The following MAP3K15 variants were observed in gnomAD, a reference collection of about 807,000 sequenced individuals.
MAP3K15 encodes the protein mitogen-activated protein kinase kinase kinase 15, also known as MAPK/ERK kinase kinase 15.
MAP3K15 carries 124 observed loss-of-function variants against 99.5 expected under a neutral mutation model. The observed-to-expected ratio is 1.25, with a 90% CI of 1.08 to 1.45. MAP3K15 has a LOEUF of 1.45. Ranked by LOEUF, MAP3K15 falls within the 40% of genes most tolerant of loss-of-function variation. The pLI, the probability that MAP3K15 is intolerant of heterozygous loss-of-function variation, is 0.00. For missense variants in MAP3K15, 1,242 were observed against 1,079.7 expected, an observed-to-expected ratio of 1.15 and a Z score of -2.11; for synonymous variants, 494 against 439.6, an observed-to-expected ratio of 1.12 and a Z score of -1.55.
In MAP3K15 at chrX:19,425,659, T is replaced by C; in HGVS notation, c.1311A>G (p.Lys437=). 1 of 1,196,629 alleles carries C rather than the reference T, an allele frequency of 8.4e-7. No individual in the cohort carries two copies. The highest frequency in any genetic ancestry group is 2.3e-4 in the Middle Eastern group (1 of 4,346). ...AATTGTTCATTTTCTCCAAGCTCCC[T>C]TTTCTTCCCAACAAACTGTTCAGCC... ...GVRLNSLLGR[K]GSLEKMNNYW... is the part of the protein sequence containing the mutation. Residue 437 remains lysine (K), a synonymous_variant, in exon 9 of 29, where the codon AAA becomes AAG. Coordinates refer to ENST00000338883, the MANE Select transcript of MAP3K15 (RefSeq NM_001001671.4).
Position 19,361,600 on chromosome X carries a change from C to T in MAP3K15, c.3680-7G>A, listed in dbSNP as rs771054574. The T allele has an allele frequency of 3.6e-5, 42 of 1,155,961 alleles. No homozygotes were observed. Among genetic ancestry groups the T allele is most frequent in the East Asian group, 8.9e-5 (3 of 33,580 alleles). On this transcript the variant is annotated splice_region_variant and splice_polypyrimidine_tract_variant and intron_variant, in intron 26 of 28. Coordinates refer to ENST00000338883, the MANE Select transcript of MAP3K15 (RefSeq NM_001001671.4). ...GCTGGGTTCTCTGTAATACCTGTAA[C>T]GATTGGCAATTTGTTATATATTAGT... is the stretch of plus-strand genomic sequence containing the variant.
intron 21 of MAP3K15, 73 bp downstream of exon 21, chrX:19,373,463 G>A: frequency 2.7e-6 from 3 of 1,121,419 alleles, no homozygotes; most frequent in East Asian, 3.3e-5. Flanking sequence ...GTTGGGACCA[G>A]GGAGGTGCCC....
chrX:19,427,809 C>A (rs2063843810), intron 7 of MAP3K15, among the ~76,000 whole-genome samples: 1 of 111,048 alleles, frequency 9.0e-6, no homozygotes, highest in African/African-American at 3.3e-5. Flanking sequence ...GAGAAGTTAT[C>A]ATTGAAGTCA....
intron 6 of MAP3K15, among the ~76,000 whole-genome samples, chrX:19,450,948 T>C (rs1259098528): frequency 1.8e-5 from 2 of 108,846 alleles, no homozygotes; most frequent in Non-Finnish European, 3.9e-5. Flanking sequence ...AAGGATTTCA[T>C]GGGTATGACA....
rs370058161 is a variant in MAP3K15, at chrX:19,453,464, C to T, written c.995+3449G>A. Among the ~76,000 whole-genome samples the T allele has an allele frequency of 1.2e-4, 13 of 107,191 alleles. No homozygotes were observed. The East Asian group carries it at 1.8e-3, about 14-fold the overall frequency. 93.1% of individuals were successfully genotyped at this position (107,191 alleles called of 115,157 possible). A position where few individuals can be genotyped will look rare whatever the true frequency, so the allele number is the denominator to read the frequency against. Reference sequence around the variant, plus strand: ...GCAGTGAGCCAAGATTACGCCATTGCACTCCAGCCTGGGCGACAGAGTGAG... The same window carrying T: ...GCAGTGAGCCAAGATTACGCCATTGTACTCCAGCCTGGGCGACAGAGTGAG... On this transcript the variant is annotated intron_variant, in intron 6 of 28. Transcript: ENST00000338883.
At chrX:19,481,421 T>C (rs1459286752) in intron 3 of MAP3K15, among the ~76,000 whole-genome samples, 1 of 110,859 alleles carries the variant, frequency 9.0e-6, no homozygotes, top group African/African-American at 3.3e-5. Context: ...GCTAAAACTA[T>C]AAAACTTCTA....
rs181219677 is a variant in MAP3K15 at position 19,507,841 on chromosome X, A to C, written c.361+7060T>G. Among the ~76,000 whole-genome samples, 255 of 110,660 alleles carry C rather than the reference A, an allele frequency of 2.3e-3. 1 individual carries two copies. Among genetic ancestry groups the C allele is most frequent in the African/African-American group, 7.7e-3 (234 of 30,453 alleles). On this transcript the variant is annotated intron_variant, in intron 1 of 28. Coordinates refer to ENST00000338883, the MANE Select transcript of MAP3K15 (RefSeq NM_001001671.4). ...TGCTCTAAAAAACTATTTTAAAAAA[A>C]GTTCTGGAGATGCATATTGGTTTCT...
chrX:19,469,459 C>A (rs1354810159), intron 3 of MAP3K15, among the ~76,000 whole-genome samples: 1 of 111,540 alleles, frequency 9.0e-6, no homozygotes, highest in Non-Finnish European at 1.9e-5. Context: ...AGAAGAAAAC[C>A]TAGGCAATAC....
intron 18 of MAP3K15, among the ~76,000 whole-genome samples, chrX:19,391,169 T>G (rs1411620934): frequency 8.9e-6 from 1 of 111,754 alleles, no homozygotes; most frequent in African/African-American, 3.3e-5. Flanking sequence ...CCAGGAAGAA[T>G]TAGCCTCTCT....
intron 3 of MAP3K15, among the ~76,000 whole-genome samples, chrX:19,467,711 GA>G (rs767775172): frequency 7.9e-5 from 1 of 12,639 alleles, no homozygotes; most frequent in Admixed American, 1.6e-3. Context: ...AGGTTGCAGT[GA>G]AACCTACGTG....
At position 19,426,818 on chromosome X, in the gene MAP3K15, C is replaced by CAAAAAAAAAAAAAAAAAAAAAA. The variant is rs746106862; in HGVS notation, c.1167-497_1167-476dup. Reference sequence around the variant, plus strand: ...GGGTGACAGAGCGAGAATCTGTCTCCAAAAAAAAAAAAAAAAAAAAAAAAA... The same window carrying CAAAAAAAAAAAAAAAAAAAAAA: ...GGGTGACAGAGCGAGAATCTGTCTCCAAAAAAAAAAAAAAAAAAAAAAAAAAAAAAAAAAAAAAAAAAAAAAA... On this transcript the variant is annotated intron_variant, in intron 7 of 28. Coordinates refer to ENST00000338883, the MANE Select transcript of MAP3K15 (RefSeq NM_001001671.4). Among the ~76,000 whole-genome samples the CAAAAAAAAAAAAAAAAAAAAAA allele has an allele frequency of 9.5e-5, 2 of 21,148 alleles. 1 individual carries two copies. Among genetic ancestry groups the CAAAAAAAAAAAAAAAAAAAAAA allele is most frequent in the African/African-American group, 4.1e-4 (2 of 4,826 alleles). 18.4% of individuals were successfully genotyped at this position (21,148 alleles called of 115,157 possible).
intron 24 of MAP3K15, among the ~76,000 whole-genome samples, chrX:19,369,703 T>A (rs2063360618): frequency 9.0e-6 from 1 of 110,614 alleles, no homozygotes. Context: ...GATCACAAGG[T>A]CAAGAGATCA....
At chrX:19,504,691 C>T (rs916858934) in intron 1 of MAP3K15, among the ~76,000 whole-genome samples, 5 of 111,833 alleles carry the variant, frequency 4.5e-5, no homozygotes, top group East Asian at 5.6e-4. Flanking sequence ...AGGCTGGGCA[C>T]GGTGGGTCAT....
At chrX:19,406,874 T>G (rs1202584911) in intron 13 of MAP3K15, among the ~76,000 whole-genome samples, 1 of 111,664 alleles carries the variant, frequency 9.0e-6, no homozygotes, top group Non-Finnish European at 1.9e-5. Flanking sequence ...GCTAATTTTG[T>G]ATTTTTAGTA....
At chrX:19,389,335 C>T (rs1319397394) in intron 18 of MAP3K15, among the ~76,000 whole-genome samples, 2 of 108,707 alleles carry the variant, frequency 1.8e-5, no homozygotes, top group East Asian at 5.7e-4. Context: ...AGGGCTGACC[C>T]TGGCTATAAC....
intron 1 of MAP3K15, among the ~76,000 whole-genome samples, chrX:19,494,309 A>C (rs779911166): frequency 9.0e-6 from 1 of 111,145 alleles, no homozygotes; most frequent in African/African-American, 3.3e-5. Flanking sequence ...AGAGAGAGAG[A>C]GAGGAGGAGG....
In MAP3K15 at chrX:19,488,987, G is replaced by A; in HGVS notation, c.362-20C>T. Reference sequence around the variant, plus strand: ...CAACATCTGCAATGAACAAGGAGAGGACAGGATTAGGGGAGATGATCTGTC... The same window carrying A: ...CAACATCTGCAATGAACAAGGAGAGAACAGGATTAGGGGAGATGATCTGTC... On this transcript the variant is annotated intron_variant, in intron 1 of 28. Coordinates refer to ENST00000338883, the MANE Select transcript of MAP3K15 (RefSeq NM_001001671.4). The A allele has an allele frequency of 8.4e-6, 10 of 1,193,042 alleles. No homozygotes were observed. The highest frequency in any genetic ancestry group is 1.1e-5 in the Non-Finnish European group (10 of 889,815).
chrX:19,458,144 C>G (rs1397088674), intron 5 of MAP3K15, among the ~76,000 whole-genome samples: 2 of 112,005 alleles, frequency 1.8e-5, no homozygotes, highest in Non-Finnish European at 3.8e-5. Context: ...AAATGCCATG[C>G]CTGTCCTGTG....
chrX:19,426,302 C>A lies in MAP3K15; in HGVS notation c.1208G>T (p.Gly403Val). Residue 403 changes from glycine to valine, a missense_variant, in exon 8 of 29, where the codon GGA (glycine) becomes GTA (valine). Coordinates refer to ENST00000338883, the MANE Select transcript of MAP3K15 (RefSeq NM_001001671.4). The part of the protein sequence containing the change: ...GFELQSSLYS[G>V]INLAVLLIVA... ...AATCAGCAAAACTGCAAGATTAATTCCCGAATAGAGGGATGACTGGAGTTC... is the reference window on the plus strand; with the variant it reads ...AATCAGCAAAACTGCAAGATTAATTACCGAATAGAGGGATGACTGGAGTTC... 1 of 1,167,931 alleles carries A rather than the reference C, an allele frequency of 8.6e-7. No individual in the cohort carries two copies. The highest frequency in any genetic ancestry group is 1.1e-6 in the Non-Finnish European group (1 of 877,215).
Sources: gnomAD v4.1 joint callset for allele counts (sites outside exome capture counted in the v4.1 genomes callset) on GRCh38, gnomAD v4.1.1 for gene constraint, MANE v1.5 for transcripts, NCBI Gene and HGNC (gene_info 2026-07-23, HGNC 2026-07-21) for gene names.